Variants in FREM3 observed in about 807,000 individuals in gnomAD.
FREM3 encodes the protein FRAS1-related extracellular matrix protein 3.
A neutral mutation model predicts 129.1 loss-of-function variants in FREM3; 105 were observed. The observed-to-expected ratio is 0.81, with a 90% CI of 0.69 to 0.96. The LOEUF (loss-of-function observed/expected upper bound fraction) is 0.96. Among genes scored for constraint, FREM3 ranks in the 40% least tolerant of loss-of-function variants. The pLI is 0.00. For synonymous variants in FREM3, 1,014 were observed against 1,044.9 expected, an observed-to-expected ratio of 0.97 and a Z score of 0.57; for missense variants, 2,593 against 2,666.3, an observed-to-expected ratio of 0.97 and a Z score of 0.61.
chr4:143,598,446 T>G (rs904299594), intron 6 of FREM3, among the ~76,000 whole-genome samples: 1 of 152,198 alleles, frequency 6.6e-6, no homozygotes, highest in Admixed American at 6.5e-5. Flanking sequence ...AGTAATAGCT[T>G]CTGGACATCT....
Position 143,693,522 on chromosome 4 carries a change from T to C in FREM3, c.5186-320A>G, listed in dbSNP as rs530955537. The stretch of plus-strand genomic sequence containing the variant: ...GTAGGAGTGTAAATTAGTTCCACCA[T>C]TGTGGAAAGCAATGTGGAGATTCCT... On this transcript the variant is annotated intron_variant, in intron 1 of 7. Coordinates refer to ENST00000329798, the MANE Select transcript of FREM3 (RefSeq NM_001168235.2). Among the ~76,000 whole-genome samples the C allele has an allele frequency of 4.6e-5, 7 of 152,308 alleles. No individual in the cohort carries two copies. In the East Asian group the frequency reaches 1.3e-3, roughly 29 times the overall value.
In FREM3 at chr4:143,678,442, A is replaced by G. The variant is rs1446332212; in HGVS notation, c.5275+14671T>C. Among the ~76,000 whole-genome samples the G allele has an allele frequency of 2.0e-5, 3 of 152,274 alleles. No homozygotes were observed. In the East Asian group the frequency reaches 5.8e-4, roughly 29 times the overall value. On this transcript the variant is annotated intron_variant, in intron 2 of 7. Transcript: ENST00000329798. ...ACATTAGGAGATATATCTAATGTAA[A>G]TGATGAGTTAATGGGTGCAGCACAT...
In FREM3 at chr4:143,700,268, G is replaced by T; in HGVS notation, c.408C>A (p.Arg136=). The part of the protein sequence containing the change: ...YTHFGSHSPG[R]ARVLLQLRYD... Reference sequence around the variant, plus strand: ...AGCGCAGCTGCAGCAGCACCCGGGCGCGTCCGGGGCTGTGGGAGCCGAAGT... The same window carrying T: ...AGCGCAGCTGCAGCAGCACCCGGGCTCGTCCGGGGCTGTGGGAGCCGAAGT... Residue 136 remains arginine (R), a synonymous_variant, in exon 1 of 8, where the codon CGC becomes CGA. Transcript: ENST00000329798. The T allele has an allele frequency of 6.5e-7, 1 of 1,536,458 alleles. No individual in the cohort carries two copies. Among genetic ancestry groups the T allele is most frequent in the Non-Finnish European group, 8.7e-7 (1 of 1,146,810 alleles).
chr4:143,677,766 G>A (rs980562498), intron 2 of FREM3, among the ~76,000 whole-genome samples: 3 of 152,214 alleles, frequency 2.0e-5, no homozygotes, highest in African/African-American at 7.2e-5. Context: ...AGACATTTAT[G>A]CAGCCAACAG....
At chr4:143,661,030 A>G in intron 2 of FREM3, among the ~76,000 whole-genome samples, 1 of 152,178 alleles carries the variant, frequency 6.6e-6, no homozygotes, top group Non-Finnish European at 1.5e-5. Flanking sequence ...TCATCTGCAA[A>G]CAGGGACAAT....
At chr4:143,642,723 T>C (rs1419277734) in intron 2 of FREM3, among the ~76,000 whole-genome samples, 1 of 152,130 alleles carries the variant, frequency 6.6e-6, no homozygotes, top group Non-Finnish European at 1.5e-5. Flanking sequence ...AACATTGGGC[T>C]GGGAAAGGGT....
rs4431169 is a variant in FREM3 at position 143,662,682 on chromosome 4, G to T, written c.5275+30431C>A. Among the ~76,000 whole-genome samples the T allele has an allele frequency of 2.5e-3, 381 of 152,128 alleles. 3 individuals are homozygous for T. The highest frequency in any genetic ancestry group is 8.7e-3 in the African/African-American group (361 of 41,524). On this transcript the variant is annotated intron_variant, in intron 2 of 7. Transcript: ENST00000329798. ...TGATCTGTCTAATGTTGACAGTGGG[G>T]TGTTAAAGTCTCCCATTATTATTGT...
At chr4:143,666,711 A>G (rs1739868555) in intron 2 of FREM3, among the ~76,000 whole-genome samples, 1 of 152,150 alleles carries the variant, frequency 6.6e-6, no homozygotes, top group South Asian at 2.1e-4. Flanking sequence ...ATTAGAGGTT[A>G]CCAGAGGCTG....
chr4:143,648,510 A>T (rs1360570332), intron 2 of FREM3, among the ~76,000 whole-genome samples: 1 of 152,210 alleles, frequency 6.6e-6, no homozygotes, highest in Non-Finnish European at 1.5e-5. Context: ...AGATAAGTGA[A>T]TCATGGGGGG....
intron 2 of FREM3, among the ~76,000 whole-genome samples, chr4:143,653,245 A>C (rs1739543866): frequency 6.6e-6 from 1 of 152,216 alleles, no homozygotes; most frequent in Admixed American, 6.5e-5. Context: ...CAAAAGACTG[A>C]AGTCAACGTA....
chr4:143,611,226 A>C, intron 6 of FREM3, 53 bp downstream of exon 6: 5 of 1,498,544 alleles, frequency 3.3e-6, no homozygotes, highest in Non-Finnish European at 4.4e-6. Flanking sequence ...TGTTGGAGGA[A>C]AGTGTGAGAA....
At chr4:143,622,576 A>G (rs1294691091) in intron 4 of FREM3, among the ~76,000 whole-genome samples, 1 of 152,104 alleles carries the variant, frequency 6.6e-6, no homozygotes, top group Non-Finnish European at 1.5e-5. Context: ...CCTGAGTCAC[A>G]GGGAGAAAAG....
In FREM3 at chr4:143,682,249, C is replaced by T. The variant is rs76471583; in HGVS notation, c.5275+10864G>A. ...AAACTGAAAGGAAAATCCTAATTTT[C>T]CAGGCCTAAGTAACAAAAGGACCAG... On this transcript the variant is annotated intron_variant, in intron 2 of 7. Transcript: ENST00000329798. Among the ~76,000 whole-genome samples the T allele has an allele frequency of 6.6e-5, 10 of 152,280 alleles. No individual in the cohort carries two copies. In the East Asian group the frequency reaches 1.9e-3, roughly 29 times the overall value.
chr4:143,664,102 G>A lies in FREM3; in HGVS notation c.5275+29011C>T, dbSNP rs760662064. 1.2e-4 allele frequency among the ~76,000 whole-genome samples: 19 copies of A among 152,226 alleles called. 1 individual carries two copies. Among genetic ancestry groups the A allele is most frequent in the South Asian group, 2.1e-4 (1 of 4,826 alleles). On this transcript the variant is annotated intron_variant, in intron 2 of 7. Transcript: ENST00000329798. Reference sequence around the variant, plus strand: ...TCTCAACTCATCAAAGTCATTCTCCGTCCCGCTTTGTTCCGTTGCTGGTGA... The same window carrying A: ...TCTCAACTCATCAAAGTCATTCTCCATCCCGCTTTGTTCCGTTGCTGGTGA...
chr4:143,649,385 T>A (rs1191924424), intron 2 of FREM3: 1 of 152,238 alleles, frequency 6.6e-6, no homozygotes, highest in African/African-American at 2.4e-5. Context: ...TGGAAACCTC[T>A]GCATTCCTCC....
chr4:143,598,201 T>C (rs567529105), intron 6 of FREM3, among the ~76,000 whole-genome samples: 10 of 152,146 alleles, frequency 6.6e-5, no homozygotes, highest in Admixed American at 1.3e-4. Flanking sequence ...ATCTAGAGTA[T>C]AGTGGGTTGC....
intron 2 of FREM3, among the ~76,000 whole-genome samples, chr4:143,666,884 T>C (rs777913152): frequency 1.3e-5 from 2 of 152,174 alleles, no homozygotes; most frequent in Non-Finnish European, 2.9e-5. Flanking sequence ...ATGTTATATA[T>C]ATTTTACCAC....
intron 6 of FREM3, among the ~76,000 whole-genome samples, chr4:143,603,130 A>C (rs1738602010): frequency 6.6e-6 from 1 of 152,130 alleles, no homozygotes; most frequent in Non-Finnish European, 1.5e-5. Context: ...TCATTTTGGC[A>C]CATATATCAT....
intron 6 of FREM3, among the ~76,000 whole-genome samples, chr4:143,600,914 T>C (rs1484983733): frequency 6.6e-6 from 1 of 151,956 alleles, no homozygotes; most frequent in African/African-American, 2.4e-5. Context: ...GGGTGATCAC[T>C]AGTCACTTCA....
Sources: allele counts gnomAD v4.1 joint callset (sites outside exome capture counted in the v4.1 genomes callset), GRCh38; gene constraint gnomAD v4.1.1; transcripts MANE v1.5; gene names NCBI Gene and HGNC (gene_info 2026-07-23, HGNC 2026-07-21).